The following NFAT5 variants were observed in gnomAD, a reference collection of about 807,000 sequenced individuals.
The protein encoded by NFAT5 is nuclear factor of activated T cells 5.
NFAT5 carries 31 observed loss-of-function variants against 166.5 expected under a neutral mutation model. The observed-to-expected ratio is 0.19, with a 90% confidence interval of 0.14 to 0.25. The LOEUF is 0.25. Ranked by LOEUF, NFAT5 falls within the 10% of genes least tolerant of loss-of-function variation. The pLI is 1.00. For synonymous variants in NFAT5, 612 were observed against 639.7 expected (o/e 0.96, Z 0.65); for missense variants, 1,449 against 1,821.8 (o/e 0.80, Z 3.72).
At chr16:69,654,850 T>C (rs989842612) in intron 5 of NFAT5, among the ~76,000 whole-genome samples, 1 of 152,212 alleles carries the variant, frequency 6.6e-6, no homozygotes, top group Admixed American at 6.5e-5. Flanking sequence ...TTGTTTGGCA[T>C]GCATTGTACA....
At chr16:69,593,442 C>G (rs1291163427) in intron 2 of NFAT5, among the ~76,000 whole-genome samples, 2 of 151,984 alleles carry the variant, frequency 1.3e-5, no homozygotes, top group Admixed American at 1.3e-4. Context: ...TTCCAAGTTG[C>G]TGGGACCACA....
chr16:69,641,935 A>C (rs1391713773), intron 3 of NFAT5, among the ~76,000 whole-genome samples: 1 of 151,666 alleles, frequency 6.6e-6, no homozygotes, highest in Non-Finnish European at 1.5e-5. Context: ...CTATCTCTAC[A>C]AAAAAATACA....
At chr16:69,569,643 G>A (rs1226800839) in intron 2 of NFAT5, among the ~76,000 whole-genome samples, 1 of 152,192 alleles carries the variant, frequency 6.6e-6, no homozygotes, top group South Asian at 2.1e-4. Context: ...CTGTTAAAAT[G>A]TAGCTGTCTC....
chr16:69,665,299 G>C (rs1006755656), intron 7 of NFAT5, among the ~76,000 whole-genome samples: 1 of 147,572 alleles, frequency 6.8e-6, no homozygotes, highest in Non-Finnish European at 1.5e-5. Flanking sequence ...ATTCAACATA[G>C]TGTTGGAAGT....
Position 69,692,082 on chromosome 16 carries a change from A to G in NFAT5, c.2257A>G (p.Thr753Ala). The change falls in exon 13 of 15, where the codon ACT (threonine) becomes GCT (alanine). Residue 753 changes from threonine (T) to alanine (A), a missense_variant. Transcript: ENST00000349945. ...DGTVVNLSQL[T>A]EASQQQQQSP... ...TACAGTGGTTAATTTGTCACAACTG[A>G]CTGAGGCATCACAACAACAGCAGCA... 1 of 1,614,144 alleles carries G rather than the reference A, an allele frequency of 6.2e-7. No individual in the cohort carries two copies. Among genetic ancestry groups the G allele is most frequent in the Non-Finnish European group, 8.5e-7 (1 of 1,180,040 alleles).
intron 3 of NFAT5, among the ~76,000 whole-genome samples, chr16:69,640,444 A>G (rs989972398): frequency 6.6e-6 from 1 of 152,246 alleles, no homozygotes; most frequent in South Asian, 2.1e-4. Flanking sequence ...TTGGCATGTA[A>G]GGTGTCGACA....
Position 69,626,503 on chromosome 16 carries a change from G to T in NFAT5, c.228G>T (p.Ser76=), listed in dbSNP as rs966451351. 2 of 1,568,180 alleles carry T rather than the reference G, an allele frequency of 1.3e-6. No individual in the cohort carries two copies. The highest frequency in any genetic ancestry group is 2.3e-5 in the East Asian group (1 of 42,634). ...MSQTSGGEAG[S]PPPAVVAADA... Reference sequence around the variant, plus strand: ...AGACAAGCGGTGGTGAGGCAGGCTCGCCTCCTCCAGCTGTTGTTGCTGCTG... The same window carrying T: ...AGACAAGCGGTGGTGAGGCAGGCTCTCCTCCTCCAGCTGTTGTTGCTGCTG... The change falls in exon 3 of 15, where the codon TCG becomes TCT. Residue 76 remains serine, a synonymous_variant. Coordinates refer to ENST00000349945, the MANE Select transcript of NFAT5 (RefSeq NM_138713.4).
intron 2 of NFAT5, among the ~76,000 whole-genome samples, chr16:69,569,827 T>C (rs2016330524): frequency 6.6e-6 from 1 of 152,202 alleles, no homozygotes. Context: ...AAGAAGCCCA[T>C]AGATATACAT....
chr16:69,623,038 G>C (rs888938002), intron 2 of NFAT5, among the ~76,000 whole-genome samples: 2 of 152,028 alleles, frequency 1.3e-5, no homozygotes, highest in African/African-American at 2.4e-5. Context: ...TCAGCAACTT[G>C]GGAGGCTGAG....
At chr16:69,668,288 A>G (rs1269781219) in intron 7 of NFAT5, among the ~76,000 whole-genome samples, 1 of 152,186 alleles carries the variant, frequency 6.6e-6, no homozygotes, top group Non-Finnish European at 1.5e-5. Flanking sequence ...TCACCCGGCC[A>G]GTGTATTTGT....
At chr16:69,669,251 G>A (rs1027178557) in intron 7 of NFAT5, among the ~76,000 whole-genome samples, 4 of 152,122 alleles carry the variant, frequency 2.6e-5, no homozygotes, top group Non-Finnish European at 5.9e-5. Context: ...GGATTTTGGA[G>A]CATTTAAGAT....
At chr16:69,617,187 C>A (rs2033992631) in intron 2 of NFAT5, among the ~76,000 whole-genome samples, 1 of 152,058 alleles carries the variant, frequency 6.6e-6, no homozygotes, top group African/African-American at 2.4e-5. Context: ...TGTGATCCGC[C>A]CGCCTCGGCC....
intron 2 of NFAT5, among the ~76,000 whole-genome samples, chr16:69,616,092 T>TC (rs2033930508): frequency 6.6e-6 from 1 of 152,052 alleles, no homozygotes; most frequent in Non-Finnish European, 1.5e-5. Context: ...CCATTTGAAC[T>TC]CCAACACCCC....
At chr16:69,599,486 G>C (rs1213659491) in intron 2 of NFAT5, among the ~76,000 whole-genome samples, 2 of 152,158 alleles carry the variant, frequency 1.3e-5, no homozygotes, top group Non-Finnish European at 2.9e-5. Context: ...CAGGAGAATT[G>C]CTTGAACCCA....
intron 3 of NFAT5, among the ~76,000 whole-genome samples, chr16:69,645,971 G>T (rs185309350): frequency 7.8e-4 from 119 of 152,236 alleles, no homozygotes; most frequent in Non-Finnish European, 1.3e-3. Context: ...TTCTTGCTAG[G>T]CATAACAGAT....
In NFAT5 at chr16:69,699,438, T is replaced by C. The variant is rs549485832; in HGVS notation, c.*3087T>C. The C allele has an allele frequency of 6.5e-6, 1 of 152,810 alleles. No homozygotes were observed. Among genetic ancestry groups the C allele is most frequent in the Non-Finnish European group, 1.5e-5 (1 of 68,038 alleles). 9.5% of individuals were successfully genotyped at this position (152,810 alleles called of 1,614,324 possible). On this transcript the variant is annotated 3_prime_UTR_variant, in exon 15 of 15. Transcript: ENST00000349945. Reference sequence around the variant, plus strand: ...GTGGTTATTTATACAAGGGCTGTGCTATGCTACCATATTCTTGTTCAATAA... The same window carrying C: ...GTGGTTATTTATACAAGGGCTGTGCCATGCTACCATATTCTTGTTCAATAA...
intron 10 of NFAT5, among the ~76,000 whole-genome samples, chr16:69,677,593 A>G (rs756636258): frequency 6.6e-6 from 1 of 152,226 alleles, no homozygotes; most frequent in Non-Finnish European, 1.5e-5. Flanking sequence ...CTCTGAAGCT[A>G]TCTGACAGGT....
At chr16:69,655,572 CTAAT>C (rs1370601791) in intron 5 of NFAT5, 33 bp from the exon 6 acceptor site, 2 of 1,434,778 alleles carry the variant, frequency 1.4e-6, no homozygotes, top group African/African-American at 2.9e-5. Flanking sequence ...ATTTGAAATA[CTAAT>C]TAGTGTTTCT....
intron 4 of NFAT5, chr16:69,648,527 C>T: frequency 2.0e-6 from 2 of 984,754 alleles, no homozygotes; most frequent in South Asian, 4.7e-5. Flanking sequence ...GATCATGGTA[C>T]ATGTTTGAGT....
Sources: gnomAD v4.1 joint callset for allele counts (sites outside exome capture counted in the v4.1 genomes callset) on GRCh38, gnomAD v4.1.1 for gene constraint, MANE v1.5 for transcripts, NCBI Gene and HGNC (gene_info 2026-07-23, HGNC 2026-07-21) for gene names.